The following OLFM3 variants were observed in gnomAD, a reference collection of about 807,000 sequenced individuals.
The protein encoded by OLFM3 is noelin-3.
A neutral mutation model predicts 48.6 loss-of-function variants in OLFM3; 20 were observed. The observed-to-expected ratio is 0.41, with a 90% confidence interval of 0.29 to 0.60. OLFM3 has a LOEUF of 0.60. OLFM3 is among the 20% of genes least tolerant of loss of function. The pLI is 0.28. For synonymous variants in OLFM3, 222 were observed against 198.1 expected (o/e 1.12, Z -1.01); for missense variants, 437 against 544.3 (o/e 0.80, Z 1.96).
intron 1 of OLFM3, chr1:101,910,015 G>C (rs1658694754): frequency 1.0e-6 from 1 of 985,246 alleles, no homozygotes; most frequent in Non-Finnish European, 1.2e-6. Context: ...TAATATTAAG[G>C]TTATTTTTCC....
chr1:101,899,960 CT>C (rs1353936218), intron 1 of OLFM3, among the ~76,000 whole-genome samples: 1 of 151,974 alleles, frequency 6.6e-6, no homozygotes, highest in Non-Finnish European at 1.5e-5. Flanking sequence ...TTAAGGAACC[CT>C]TTTCTGTCAT....
At chr1:101,839,445 C>T (rs189174190) in intron 1 of OLFM3, among the ~76,000 whole-genome samples, 7 of 152,220 alleles carry the variant, frequency 4.6e-5, no homozygotes, top group African/African-American at 1.7e-4. Context: ...TAACAGTATG[C>T]GATTGATGTA....
At chr1:101,871,938 G>C (rs948168180) in intron 1 of OLFM3, among the ~76,000 whole-genome samples, 1 of 152,006 alleles carries the variant, frequency 6.6e-6, no homozygotes, top group Non-Finnish European at 1.5e-5. Flanking sequence ...CGTTGTCATA[G>C]AAAAATGAAT....
intron 1 of OLFM3, among the ~76,000 whole-genome samples, chr1:101,881,371 C>T (rs1657519126): frequency 6.6e-6 from 1 of 151,836 alleles, no homozygotes; most frequent in Non-Finnish European, 1.5e-5. Flanking sequence ...ACTTAGAGCT[C>T]TTCAATCCTA....
At chr1:101,936,120 A>G (rs774976723) in intron 1 of OLFM3, among the ~76,000 whole-genome samples, 9 of 152,144 alleles carry the variant, frequency 5.9e-5, no homozygotes, top group Non-Finnish European at 1.2e-4. Flanking sequence ...AGTCCTAGCC[A>G]GGGCAATCAG....
chr1:101,870,032 T>C (rs1383533336), intron 1 of OLFM3, among the ~76,000 whole-genome samples: 3 of 152,168 alleles, frequency 2.0e-5, no homozygotes, highest in African/African-American at 4.8e-5. Context: ...AAATGCTTAG[T>C]GTAATGCCAG....
chr1:101,804,879 C>A lies in OLFM3; in HGVS notation c.736G>T (p.Val246Phe), dbSNP rs373730405. The stretch of plus-strand genomic sequence containing the variant: ...TCTGCAATTGATTTGTATTCACGAA[C>A]AATTTTATTGTTAGTATAACTGTCC... ...YMDSYTNNKI[V>F]REYKSIADFV... The change falls in exon 6 of 6, where the codon GTT becomes TTT. Residue 246 changes from valine (V) to phenylalanine (F), a missense_variant. Around this residue, in one of 3 missense-constraint regions of OLFM3, gnomAD observed 314 missense variants for 365.5 expected, o/e 0.86. Coordinates refer to ENST00000370103, the MANE Select transcript of OLFM3 (RefSeq NM_058170.4). This position sits in a 1 kb window ranked among gnomAD's most constrained non-coding sequence, Gnocchi z 4.5. 1 of 1,611,642 alleles carries A rather than the reference C, an allele frequency of 6.2e-7. No individual in the cohort carries two copies. Among genetic ancestry groups the A allele is most frequent in the Non-Finnish European group, 8.5e-7 (1 of 1,178,734 alleles).
chr1:101,824,274 C>G (rs1039813600), intron 4 of OLFM3, among the ~76,000 whole-genome samples: 3 of 152,120 alleles, frequency 2.0e-5, no homozygotes, highest in African/African-American at 4.8e-5. Flanking sequence ...TGTAGCTCCT[C>G]CTTATTCAAT....
intron 1 of OLFM3, among the ~76,000 whole-genome samples, chr1:101,844,856 C>A (rs1221127266): frequency 6.6e-6 from 1 of 152,034 alleles, no homozygotes; most frequent in African/African-American, 2.4e-5. Context: ...ATGAACATAA[C>A]TGGCTTGATG....
chr1:101,842,516 C>T lies in OLFM3; in HGVS notation c.70-5491G>A, dbSNP rs185464084. On this transcript the variant is annotated intron_variant, in intron 1 of 5. Coordinates refer to ENST00000370103, the MANE Select transcript of OLFM3 (RefSeq NM_058170.4). ...GAGCCGAGATAGTGCCATGGCACTACAGCCTAGGTGACAGAGTGAGACTGT... is the reference window on the plus strand; with the variant it reads ...GAGCCGAGATAGTGCCATGGCACTATAGCCTAGGTGACAGAGTGAGACTGT... 3.1e-3 allele frequency among the ~76,000 whole-genome samples: 475 copies of T among 152,264 alleles called. 12 individuals carry two copies. Among genetic ancestry groups the T allele is most frequent in the Non-Finnish European group, 1.1e-3 (74 of 68,034 alleles).
chr1:101,882,206 T>C (rs1397954439), intron 1 of OLFM3, among the ~76,000 whole-genome samples: 1 of 150,888 alleles, frequency 6.6e-6, no homozygotes, highest in Non-Finnish European at 1.5e-5. Flanking sequence ...GAAAACTACA[T>C]AAGTATTGAC....
At chr1:101,897,177 A>G (rs953273859) in intron 1 of OLFM3, among the ~76,000 whole-genome samples, 1 of 152,218 alleles carries the variant, frequency 6.6e-6, no homozygotes, top group Non-Finnish European at 1.5e-5. Context: ...GATAAGAAAA[A>G]TATTGAAAGA....
rs1448415584 is a variant in OLFM3 at position 101,963,434 on chromosome 1, T to C, written c.69+33314A>G. 2.0e-5 allele frequency among the ~76,000 whole-genome samples: 3 copies of C among 152,294 alleles called. No homozygotes were observed. In the East Asian group the frequency reaches 5.8e-4, roughly 29 times the overall value. On this transcript the variant is annotated intron_variant, in intron 1 of 5. Transcript: ENST00000370103. Reference sequence around the variant, plus strand: ...TTGCAGAAAATCCACTTCAAAGTTCTGCAAATGGTTCTTTTGAAGCCCTCT... The same window carrying C: ...TTGCAGAAAATCCACTTCAAAGTTCCGCAAATGGTTCTTTTGAAGCCCTCT...
chr1:101,910,391 G>C (rs953773752), intron 1 of OLFM3, among the ~76,000 whole-genome samples: 1 of 151,688 alleles, frequency 6.6e-6, no homozygotes, highest in African/African-American at 2.4e-5. Flanking sequence ...GCGTGAACCC[G>C]GGAGGCGGAG....
rs779631393 is a variant in OLFM3, at chr1:101,836,966, C to A, written c.129G>T (p.Gly43=). ...GAGCAACAACTGTGCAAATGCACCGCCCATCAGGATCCTGAGCTGAGCTGT... is the reference window on the plus strand; with the variant it reads ...GAGCAACAACTGTGCAAATGCACCGACCATCAGGATCCTGAGCTGAGCTGT... The part of the protein sequence containing the change: ...QVYSSAQDPD[G]RCICTVVAPE... Residue 43 remains glycine, a synonymous_variant, in exon 2 of 6, where the codon GGG becomes GGT. Coordinates refer to ENST00000370103, the MANE Select transcript of OLFM3 (RefSeq NM_058170.4). 2 of 1,614,084 alleles carry A rather than the reference C, an allele frequency of 1.2e-6. No individual in the cohort carries two copies. The highest frequency in any genetic ancestry group is 1.7e-6 in the Non-Finnish European group (2 of 1,179,992).
At chr1:101,856,040 T>G (rs2100955266) in intron 1 of OLFM3, among the ~76,000 whole-genome samples, 1 of 152,130 alleles carries the variant, frequency 6.6e-6, no homozygotes, top group African/African-American at 2.4e-5. Flanking sequence ...GAAAGAAGAT[T>G]ACATCTGTAG....
chr1:101,879,578 T>C (rs960782519), intron 1 of OLFM3, among the ~76,000 whole-genome samples: 6 of 151,852 alleles, frequency 4.0e-5, no homozygotes, highest in African/African-American at 1.4e-4. Flanking sequence ...AAATCATGTA[T>C]TCCTATCTTT....
chr1:101,940,872 C>G (rs184542226), intron 1 of OLFM3, among the ~76,000 whole-genome samples: 1 of 152,076 alleles, frequency 6.6e-6, no homozygotes, highest in Admixed American at 6.6e-5. Flanking sequence ...CTGAATCCAA[C>G]TATCTCACTA....
intron 4 of OLFM3, among the ~76,000 whole-genome samples, chr1:101,810,788 CT>C: frequency 6.6e-6 from 1 of 151,648 alleles, no homozygotes; most frequent in Non-Finnish European, 1.5e-5. Context: ...CTCTTTAATT[CT>C]TTCAACCTTA....
Sources: allele counts gnomAD v4.1 joint callset (sites outside exome capture counted in the v4.1 genomes callset), GRCh38; gene constraint gnomAD v4.1.1; regional missense constraint gnomAD v4.1.1; non-coding constraint Gnocchi (gnomAD v3.1); transcripts MANE v1.5; gene names NCBI Gene and HGNC (gene_info 2026-07-23, HGNC 2026-07-21).